SLIT3: variants seen among roughly 807,000 people sequenced by gnomAD.
SLIT3 encodes the protein slit guidance ligand 3, also known as slit homolog 3 protein.
SLIT3 carries 68 observed loss-of-function variants against 184.0 expected under a neutral mutation model. The ratio of observed to expected loss-of-function variants is 0.37; its 90% CI spans 0.30 to 0.45. The LOEUF (loss-of-function observed/expected upper bound fraction) is 0.45. Ranked by LOEUF, SLIT3 falls within the 20% of genes least tolerant of loss-of-function variation. The pLI, the probability that SLIT3 is intolerant of heterozygous loss-of-function variation, is 1.00. For synonymous variants in SLIT3, 831 were observed against 828.6 expected (o/e 1.00, Z -0.05); for missense variants, 1,707 against 2,026.0 (o/e 0.84, Z 3.02).
intron 7 of SLIT3, among the ~76,000 whole-genome samples, chr5:168,821,728 G>C (rs1372577208): frequency 1.3e-5 from 2 of 152,104 alleles, no homozygotes; most frequent in South Asian, 2.1e-4. Flanking sequence ...GGCACTTTAT[G>C]TGTTAAACTG....
chr5:168,667,829 TAGAA>T (rs1357734360), intron 35 of SLIT3: 5 of 152,142 alleles, frequency 3.3e-5, no homozygotes, highest in African/African-American at 1.2e-4. Flanking sequence ...TTAAAAGGAT[TAGAA>T]AGAGGTTAAT....
At chr5:168,995,558 A>G (rs1223825262) in intron 4 of SLIT3, 2 of 152,210 alleles carry the variant, frequency 1.3e-5, no homozygotes, top group African/African-American at 4.8e-5. Flanking sequence ...GAAAAACCCA[A>G]AACCTTGGGT....
At chr5:168,922,138 ATAAT>A in intron 4 of SLIT3, among the ~76,000 whole-genome samples, 1 of 152,262 alleles carries the variant, frequency 6.6e-6, no homozygotes, top group South Asian at 2.1e-4. Context: ...CAAACTGCAA[ATAAT>A]TAATTTCAAT....
chr5:168,827,384 A>G (rs757673869), intron 6 of SLIT3, among the ~76,000 whole-genome samples: 1 of 152,220 alleles, frequency 6.6e-6, no homozygotes, highest in Non-Finnish European at 1.5e-5. Flanking sequence ...CCCTCGGCTC[A>G]TGGCTGCTTC....
intron 3 of SLIT3, among the ~76,000 whole-genome samples, chr5:169,208,881 G>T (rs1246031123): frequency 6.6e-6 from 1 of 152,158 alleles, no homozygotes; most frequent in Non-Finnish European, 1.5e-5. Context: ...ATACAATTCA[G>T]GAGATAGGCA....
At chr5:168,907,325 A>C (rs540867188) in intron 4 of SLIT3, among the ~76,000 whole-genome samples, 2 of 152,364 alleles carry the variant, frequency 1.3e-5, no homozygotes, top group African/African-American at 4.8e-5. Flanking sequence ...CAGGCTGACC[A>C]TAAGAGCCTA....
intron 1 of SLIT3, among the ~76,000 whole-genome samples, chr5:169,272,998 G>A (rs1373988334): frequency 1.3e-5 from 2 of 152,140 alleles, no homozygotes; most frequent in African/African-American, 4.8e-5. Flanking sequence ...TCAAGTAGCC[G>A]TGTGTGTTTC....
chr5:168,841,682 T>C (rs935125197), intron 6 of SLIT3, among the ~76,000 whole-genome samples: 2 of 152,198 alleles, frequency 1.3e-5, no homozygotes, highest in Non-Finnish European at 2.9e-5. Flanking sequence ...TCAGCCTCGA[T>C]GGAAAGAAGT....
rs1324643565 is a variant in SLIT3 at position 168,795,447 on chromosome 5, T to C, written c.1007+60A>G. 9.4e-6 allele frequency: 13 copies of C among 1,381,234 alleles called. No individual in the cohort carries two copies. The East Asian group carries it at 1.1e-4, about 12-fold the overall frequency. 85.6% of individuals were successfully genotyped at this position (1,381,234 alleles called of 1,614,324 possible). On this transcript the variant is annotated intron_variant, in intron 10 of 35. Coordinates refer to ENST00000519560, the MANE Select transcript of SLIT3 (RefSeq NM_003062.4). The stretch of plus-strand genomic sequence containing the variant: ...ACCTGGACAGGTTGCCCACTACACA[T>C]TGCAAACAACCCTGGAAATTGAAAA...
chr5:168,884,423 T>TCACACACA (rs369129500), intron 4 of SLIT3, among the ~76,000 whole-genome samples: 230 of 137,914 alleles, frequency 1.7e-3, no homozygotes, highest in Middle Eastern at 3.7e-3. Context: ...TCTCTCTCTC[T>TCACACACA]CTCTCACACA....
chr5:169,252,548 C>A (rs1765813595), intron 1 of SLIT3, among the ~76,000 whole-genome samples: 1 of 152,196 alleles, frequency 6.6e-6, no homozygotes, highest in African/African-American at 2.4e-5. Context: ...AAAAAAGGAA[C>A]CATGAATAAT....
intron 4 of SLIT3, among the ~76,000 whole-genome samples, chr5:168,960,053 T>C (rs1483520106): frequency 6.6e-6 from 1 of 152,210 alleles, no homozygotes; most frequent in East Asian, 1.9e-4. Flanking sequence ...ATTTTAGCCA[T>C]ATAACATGGC....
intron 14 of SLIT3, among the ~76,000 whole-genome samples, chr5:168,770,116 G>A (rs996555225): frequency 6.6e-6 from 1 of 152,192 alleles, no homozygotes; most frequent in Admixed American, 6.5e-5. Flanking sequence ...TGGGCTTGGG[G>A]TCCCAGGCAG....
intron 32 of SLIT3, among the ~76,000 whole-genome samples, chr5:168,682,251 CTCATCTGTCTT>C (rs1396572352): frequency 1.3e-5 from 2 of 152,238 alleles, no homozygotes; most frequent in Non-Finnish European, 2.9e-5. Context: ...TTCTTTGCTC[CTCATCTGTCTT>C]TGCTGACCTC....
chr5:168,760,086 A>C (rs1755091987), intron 16 of SLIT3, among the ~76,000 whole-genome samples: 1 of 152,172 alleles, frequency 6.6e-6, no homozygotes, highest in Non-Finnish European at 1.5e-5. Flanking sequence ...TAGAGAAGTC[A>C]CAGAAACTTT....
chr5:168,744,165 T>C (rs1158788722), intron 20 of SLIT3, among the ~76,000 whole-genome samples: 1 of 152,130 alleles, frequency 6.6e-6, no homozygotes, highest in Non-Finnish European at 1.5e-5. Flanking sequence ...GGCGGGCTCC[T>C]GTAGTCCCAG....
At chr5:169,058,612 T>G (rs889098768) in intron 4 of SLIT3, among the ~76,000 whole-genome samples, 1 of 152,234 alleles carries the variant, frequency 6.6e-6, no homozygotes, top group Non-Finnish European at 1.5e-5. Context: ...TGAGATCATG[T>G]CACAGTGTCA....
At chr5:169,102,000 T>A (rs892852878) in intron 4 of SLIT3, among the ~76,000 whole-genome samples, 2 of 152,178 alleles carry the variant, frequency 1.3e-5, no homozygotes, top group African/African-American at 4.8e-5. Flanking sequence ...CTAGACTTAT[T>A]TGTCTTTTCC....
chr5:168,773,288 T>C lies in SLIT3; in HGVS notation c.1296-344A>G, dbSNP rs143769575. ...GTCATGGTTTGCACTTGGGGTAGAATGCATTTTATTTCTCTAAGCTCAGTG... is the reference window on the plus strand; with the variant it reads ...GTCATGGTTTGCACTTGGGGTAGAACGCATTTTATTTCTCTAAGCTCAGTG... On this transcript the variant is annotated intron_variant, in intron 13 of 35. Transcript: ENST00000519560. Among the ~76,000 whole-genome samples, 21 of 152,326 alleles carry C rather than the reference T, an allele frequency of 1.4e-4. No homozygotes were observed. In the East Asian group the frequency reaches 4.1e-3, roughly 29 times the overall value.
Sources: gnomAD v4.1 joint callset for allele counts (sites outside exome capture counted in the v4.1 genomes callset) on GRCh38, gnomAD v4.1.1 for gene constraint, MANE v1.5 for transcripts, NCBI Gene and HGNC (gene_info 2026-07-23, HGNC 2026-07-21) for gene names.